Variants in GOSR2 observed in about 807,000 individuals in gnomAD.
GOSR2 encodes 27 kDa Golgi SNARE protein.
GOSR2 carries 20 observed loss-of-function variants against 27.9 expected under a neutral mutation model. The observed-to-expected ratio is 0.72, with a 90% CI of 0.50 to 1.04. GOSR2 has a LOEUF of 1.04. GOSR2 is among the 50% of genes least tolerant of loss of function. The pLI is 0.00. For missense variants in GOSR2, 261 were observed against 270.5 expected (o/e 0.97, Z 0.25); for synonymous variants, 91 against 98.8 (o/e 0.92, Z 0.47).
At chr17:46,933,793 T>C (rs564956543) in intron 4 of GOSR2, among the ~76,000 whole-genome samples, 1 of 151,470 alleles carries the variant, frequency 6.6e-6, no homozygotes, top group Non-Finnish European at 1.5e-5. Context: ...TGAGACATTG[T>C]CTCTACAAAA....
Position 46,939,238 on chromosome 17 carries a change from A to T in GOSR2, c.*478A>T. Reference sequence around the variant, plus strand: ...ATTATATTAAATAGTAGGTCGATTCACATCCTCGTGCTCCTGGCCACCCTC... The same window carrying T: ...ATTATATTAAATAGTAGGTCGATTCTCATCCTCGTGCTCCTGGCCACCCTC... On this transcript the variant is annotated 3_prime_UTR_variant, in exon 6 of 6. Transcript: ENST00000640051. 2 of 1,045,870 alleles carry T rather than the reference A, an allele frequency of 1.9e-6. No homozygotes were observed. Among genetic ancestry groups the T allele is most frequent in the Non-Finnish European group, 2.3e-6 (2 of 864,050 alleles). The allele number at this position is 1,045,870 out of a possible 1,614,324, so 64.8% of individuals were successfully genotyped here. A position where few individuals can be genotyped will look rare whatever the true frequency, so the allele number is the denominator to read the frequency against.
Position 46,951,281 on chromosome 17 carries a change from AG to A in GOSR2, c.583+12581del, listed in dbSNP as rs541981338. On this transcript the variant is annotated intron_variant, in intron 6 of 6. Transcript: ENST00000573224. ...CTGGCCGCCCACAGTGAAGTCTGGT[AG>A]GGGTGGCACTCTCCCCACAGGTTAC... 2.0e-4 allele frequency among the ~76,000 whole-genome samples: 31 copies of A among 152,302 alleles called. No homozygotes were observed. In the East Asian group the frequency reaches 6.0e-3, roughly 29 times the overall value.
chr17:46,966,715 A>T, exon 7 of GOSR2: 1 of 480,372 alleles, frequency 2.1e-6, no homozygotes, highest in Non-Finnish European at 3.7e-6. Context: ...CTGTGATTTC[A>T]GATCAGTGAC....
chr17:46,935,981 G>GT lies in GOSR2; in HGVS notation c.477+817dup, dbSNP rs1459773379. The GT allele has an allele frequency of 3.0e-6, 3 of 985,808 alleles. No individual in the cohort carries two copies. The African/African-American group carries it at 5.2e-5, about 17-fold the overall frequency. The allele number at this position is 985,808 out of a possible 1,614,324, so 61.1% of individuals were successfully genotyped here. A position where few individuals can be genotyped will look rare whatever the true frequency, so the allele number is the denominator to read the frequency against. On this transcript the variant is annotated intron_variant, in intron 5 of 5. Coordinates refer to ENST00000640051, the MANE Select transcript of GOSR2 (RefSeq NM_004287.5). ...ACTCGGAAGTGTGAGCTTTATCTTAGTTTTTGTTGGATCATGTTGAGTCTG... is the reference window on the plus strand; with the variant it reads ...ACTCGGAAGTGTGAGCTTTATCTTAGTTTTTTGTTGGATCATGTTGAGTCTG...
chr17:46,943,997 C>T (rs1316926389), downstream of GOSR2, among the ~76,000 whole-genome samples: 1 of 152,154 alleles, frequency 6.6e-6, no homozygotes, highest in African/African-American at 2.4e-5. Flanking sequence ...AGGCTGACTC[C>T]TGGCTTAGCA....
intron 1 of GOSR2, among the ~76,000 whole-genome samples, chr17:46,925,738 C>T (rs997553835): frequency 6.6e-6 from 1 of 152,036 alleles, no homozygotes; most frequent in Admixed American, 6.6e-5. Flanking sequence ...AACTTTGAAC[C>T]CAGTTTGTGA....
At position 46,941,011 on chromosome 17, in the gene GOSR2, G is replaced by A. The variant is rs1389401271; in HGVS notation, c.*2251G>A. The A allele has an allele frequency of 1.2e-5, 14 of 1,120,866 alleles. No individual in the cohort carries two copies. Among genetic ancestry groups the A allele is most frequent in the Non-Finnish European group, 1.3e-5 (12 of 909,654 alleles). 69.4% of individuals were successfully genotyped at this position (1,120,866 alleles called of 1,614,324 possible). ...CAGGGAAGGAGCACCCTCTAGTGGAGGCGGGGGTGAATTCTTAGGTCGAGC... is the reference window on the plus strand; with the variant it reads ...CAGGGAAGGAGCACCCTCTAGTGGAAGCGGGGGTGAATTCTTAGGTCGAGC... On this transcript the variant is annotated 3_prime_UTR_variant, in exon 6 of 6. Transcript: ENST00000640051.
chr17:46,972,287 C>T (rs1163384102), intron 6 of GOSR2, among the ~76,000 whole-genome samples: 1 of 152,178 alleles, frequency 6.6e-6, no homozygotes, highest in Non-Finnish European at 1.5e-5. Context: ...CCCTGCTGTC[C>T]TTTCATATGC....
At chr17:46,933,392 T>G (rs1219101956) in intron 4 of GOSR2, 1 of 152,254 alleles carries the variant, frequency 6.6e-6, no homozygotes, top group Non-Finnish European at 1.5e-5. Context: ...ATTTCATAAG[T>G]GCTAGTCAAA....
intron 6 of GOSR2, chr17:46,949,063 G>A (rs1427670534): frequency 1.3e-5 from 2 of 152,196 alleles, no homozygotes; most frequent in East Asian, 1.9e-4. Context: ...AGGGGCTGAC[G>A]GCAATAGCTC....
intron 6 of GOSR2, among the ~76,000 whole-genome samples, chr17:46,959,593 C>T (rs1381542645): frequency 1.3e-5 from 2 of 152,154 alleles, no homozygotes; most frequent in Non-Finnish European, 2.9e-5. Context: ...AATGTTTAGC[C>T]ATGTGATTTT....
chr17:46,940,365 A>G lies in GOSR2; in HGVS notation c.*1605A>G. On this transcript the variant is annotated 3_prime_UTR_variant, in exon 6 of 6. Transcript: ENST00000640051. The stretch of plus-strand genomic sequence containing the variant: ...ATGGGTTGGGGCCCTGCCAGAGTTA[A>G]AGCAGTGACTGGAGGGTGGACTGGG... 1 of 1,502,236 alleles carries G rather than the reference A, an allele frequency of 6.7e-7. No homozygotes were observed. The highest frequency in any genetic ancestry group is 8.9e-7 in the Non-Finnish European group (1 of 1,128,402). The allele number at this position is 1,502,236 out of a possible 1,614,324, so 93.1% of individuals were successfully genotyped here.
intron 6 of GOSR2, chr17:46,948,465 G>A (rs1159129920): frequency 2.6e-5 from 4 of 152,208 alleles, no homozygotes; most frequent in Admixed American, 6.5e-5. Flanking sequence ...TACAAGATAC[G>A]ATATTGCACA....
In GOSR2 at chr17:46,938,928, T is replaced by C. The variant is rs2088860007; in HGVS notation, c.*168T>C. ...AATTTCCAACCTGCTCTGTTTTCTG[T>C]GACATCTTGGAGGGGGAGCTAGTGC... On this transcript the variant is annotated 3_prime_UTR_variant, in exon 6 of 6. Transcript: ENST00000640051. 1 of 1,509,456 alleles carries C rather than the reference T, an allele frequency of 6.6e-7. No individual in the cohort carries two copies. Among genetic ancestry groups the C allele is most frequent in the Admixed American group, 2.0e-5 (1 of 50,180 alleles). The allele number at this position is 1,509,456 out of a possible 1,614,324, so 93.5% of individuals were successfully genotyped here.
intron 5 of GOSR2, chr17:46,937,189 G>A (rs1193067802): frequency 1.3e-5 from 2 of 152,122 alleles, no homozygotes; most frequent in African/African-American, 4.8e-5. Context: ...CTTTTGTTTT[G>A]GTGGTGGGTG....
At position 46,938,807 on chromosome 17, in the gene GOSR2, G is replaced by A. The variant is rs762839548; in HGVS notation, c.*47G>A. On this transcript the variant is annotated 3_prime_UTR_variant, in exon 6 of 6. Coordinates refer to ENST00000640051, the MANE Select transcript of GOSR2 (RefSeq NM_004287.5). Reference sequence around the variant, plus strand: ...AACAGCATTCCCACAGCCTGCAAGTGTGTGTGTGTGTGAAAGAGAGAGGGG... The same window carrying A: ...AACAGCATTCCCACAGCCTGCAAGTATGTGTGTGTGTGAAAGAGAGAGGGG... 8.7e-6 allele frequency: 14 copies of A among 1,609,828 alleles called. No homozygotes were observed. The highest frequency in any genetic ancestry group is 5.4e-5 in the African/African-American group (4 of 74,748).
chr17:46,940,422 T>C lies in GOSR2; in HGVS notation c.*1662T>C. On this transcript the variant is annotated 3_prime_UTR_variant, in exon 6 of 6. Coordinates refer to ENST00000640051, the MANE Select transcript of GOSR2 (RefSeq NM_004287.5). ...CAGCATCTTTAGACCTAGATCTGTC[T>C]AACTCTGGGGAGGCACATTGACATT... 1 of 1,598,220 alleles carries C rather than the reference T, an allele frequency of 6.3e-7. No individual in the cohort carries two copies. The highest frequency in any genetic ancestry group is 1.1e-5 in the South Asian group (1 of 90,792).
At chr17:46,970,528 T>C (rs1597789850), downstream of GOSR2, among the ~76,000 whole-genome samples, 1 of 87,594 alleles carries the variant, frequency 1.1e-5, no homozygotes, top group African/African-American at 4.6e-5. Flanking sequence ...CGACACAGAC[T>C]CCATCTCAAA....
chr17:46,932,588 T>C, intron 4 of GOSR2: 1 of 448,530 alleles, frequency 2.2e-6, no homozygotes, highest in Non-Finnish European at 4.0e-6. Context: ...GCAGTTGCCA[T>C]TGTGCCGAGT....
Sources: gnomAD v4.1 joint callset for allele counts (sites outside exome capture counted in the v4.1 genomes callset) on GRCh38, gnomAD v4.1.1 for gene constraint, MANE v1.5 for transcripts, NCBI Gene and HGNC (gene_info 2026-07-23, HGNC 2026-07-21) for gene names.